The following PRSS16 variants were observed in gnomAD, a reference collection of about 807,000 sequenced individuals.
The protein encoded by PRSS16 is serine protease 16.
PRSS16 carries 43 observed loss-of-function variants against 61.7 expected under a neutral mutation model. That is an observed-to-expected ratio of 0.70 (90% CI 0.55 to 0.90). PRSS16 has a LOEUF of 0.90. PRSS16 is among the 40% of genes least tolerant of loss of function. The pLI is 0.00. For synonymous variants in PRSS16, 273 were observed against 285.2 expected, an observed-to-expected ratio of 0.96 and a Z score of 0.43; for missense variants, 591 against 659.1, an observed-to-expected ratio of 0.90 and a Z score of 1.13.
At chr6:27,250,619 G>C in intron 4 of PRSS16, 64 bp from the exon 5 acceptor site, 1 of 1,513,108 alleles carries the variant, frequency 6.6e-7, no homozygotes, top group East Asian at 2.3e-5. Context: ...GTTTCCCCCA[G>C]AATGGGGAAA....
intron 4 of PRSS16, 39 bp from the exon 5 acceptor site, chr6:27,250,644 C>T: frequency 2.0e-6 from 3 of 1,532,144 alleles, no homozygotes; most frequent in Non-Finnish European, 2.6e-6. Flanking sequence ...CAGGGATTCC[C>T]AGCGATGAGG....
chr6:27,255,446 T>C lies in PRSS16; in HGVS notation c.*131T>C. ...TGGAATTCAGCACCTGTTCCGCACGTAATTGGCATGTGTCTGCAAACATCC... is the reference window on the plus strand; with the variant it reads ...TGGAATTCAGCACCTGTTCCGCACGCAATTGGCATGTGTCTGCAAACATCC... On this transcript the variant is annotated 3_prime_UTR_variant, in exon 12 of 12. Transcript: ENST00000230582. The surrounding 1 kb of genome is among the most constrained non-coding windows in gnomAD (Gnocchi z 4.4). The C allele has an allele frequency of 1.1e-6, 1 of 903,038 alleles. No homozygotes were observed. The highest frequency in any genetic ancestry group is 1.7e-6 in the Non-Finnish European group (1 of 592,772). 55.9% of individuals were successfully genotyped at this position (903,038 alleles called of 1,614,324 possible). A position where few individuals can be genotyped will look rare whatever the true frequency, so the allele number is the denominator to read the frequency against.
intron 3 of PRSS16, 31 bp from the exon 4 acceptor site, chr6:27,249,069 T>TC: frequency 2.0e-6 from 2 of 1,005,922 alleles, no homozygotes; most frequent in Non-Finnish European, 3.0e-6. Context: ...GCATCTCACC[T>TC]CCCCACCCCC....
At chr6:27,248,117 A>G in intron 2 of PRSS16, 69 bp downstream of exon 2, 1 of 1,511,438 alleles carries the variant, frequency 6.6e-7, no homozygotes, top group Non-Finnish European at 8.9e-7. Flanking sequence ...TCTCTTCCTC[A>G]GTCTGCACTT....
intron 2 of PRSS16, 135 bp from the exon 3 acceptor site, chr6:27,248,712 T>G: frequency 1.8e-6 from 1 of 566,822 alleles, no homozygotes; most frequent in Non-Finnish European, 2.9e-6. Flanking sequence ...AGCAAGTAAA[T>G]AAACAAGCTC....
In PRSS16 at chr6:27,251,970, G is replaced by C; in HGVS notation, c.938G>C (p.Gly313Ala). Residue 313 changes from glycine to alanine, a missense_variant, in exon 8 of 12, where the codon GGA becomes GCA. Gly to Ala is a moderately conservative substitution (Grantham distance 60). Coordinates refer to ENST00000230582, the MANE Select transcript of PRSS16 (RefSeq NM_005865.4). The surrounding 1 kb of genome is among the most constrained non-coding windows in gnomAD (Gnocchi z 5.6). ...CCGCTAAGCGTGCGACAGCTCTGCG[G>C]ACTTCTCCTCGGGGGCGGGGGCAAC... ...GAPLSVRQLC[G>A]LLLGGGGNRS... 1 of 1,603,298 alleles carries C rather than the reference G, an allele frequency of 6.2e-7. No homozygotes were observed. The highest frequency in any genetic ancestry group is 8.5e-7 in the Non-Finnish European group (1 of 1,175,708).
intron 2 of PRSS16, 38 bp downstream of exon 2, chr6:27,248,086 C>T: frequency 2.5e-6 from 4 of 1,591,466 alleles, no homozygotes; most frequent in Non-Finnish European, 3.4e-6. Context: ...AACCATCCTG[C>T]CCTCTCCTCA....
Position 27,252,039 on chromosome 6 carries a change from A to T in PRSS16, c.1007A>T (p.Gln336Leu), listed in dbSNP as rs946217700. The change falls in exon 8 of 12, where the codon CAG becomes CTG. Residue 336 changes from glutamine (Q) to leucine (L), a missense_variant and splice_region_variant. Physicochemically the swap from Gln to Leu is moderately radical, Grantham distance 113. Transcript: ENST00000230582. The surrounding 1 kb of genome is among the most constrained non-coding windows in gnomAD (Gnocchi z 4.2). ...TACTGCGGGCTTCGTCGGGCGGTGC[A>T]GGTGAGCACTCCCTGGCACAGCTGG... ...TPYCGLRRAV[Q>L]IVLHSLGQKC... is the part of the protein sequence containing the mutation. 3.3e-6 allele frequency: 5 copies of T among 1,518,374 alleles called. No homozygotes were observed. The highest frequency in any genetic ancestry group is 3.5e-6 in the Non-Finnish European group (4 of 1,137,818). 94.1% of individuals were successfully genotyped at this position (1,518,374 alleles called of 1,614,324 possible).
In PRSS16 at chr6:27,251,894, C is replaced by A. The variant is rs199812226; in HGVS notation, c.862C>A (p.Leu288Met). ...AAACCAGGCGGAGCTGTTGGGGGCG[C>A]TGCAGGCACTGGTGGGAGGTGTAGT... The part of the protein sequence containing the change: ...AENQAELLGA[L>M]QALVGGVVQY... Residue 288 changes from leucine (L) to methionine (M), a missense_variant, in exon 8 of 12, where the codon CTG (leucine) becomes ATG (methionine). Transcript: ENST00000230582. This position sits in a 1 kb window ranked among gnomAD's most constrained non-coding sequence, Gnocchi z 5.6. 715 of 1,613,370 alleles carry A rather than the reference C, an allele frequency of 4.4e-4. 1 individual carries two copies. Among genetic ancestry groups the A allele is most frequent in the Admixed American group, 2.4e-3 (141 of 59,960 alleles).
In PRSS16 at chr6:27,248,850, TACTG is replaced by T. The variant is rs756541406; in HGVS notation, c.242_245del (p.Tyr81TrpfsTer2). The T allele has an allele frequency of 3.1e-6, 5 of 1,603,896 alleles. No homozygotes were observed. Among genetic ancestry groups the T allele is most frequent in the Non-Finnish European group, 3.4e-6 (4 of 1,173,670 alleles). On this transcript the variant is annotated frameshift_variant, in exon 3 of 12. Transcript: ENST00000230582. LOFTEE classifies it high-confidence loss of function. ...TCTTCCCCATCCCACCTCTCAGCGT[TACTG>T]GGTGAATGACCAACATTGGGTTGGC... is the stretch of plus-strand genomic sequence containing the variant.
intron 9 of PRSS16, chr6:27,253,549 T>C (rs1561775010): frequency 4.6e-6 from 2 of 432,864 alleles, no homozygotes; most frequent in Non-Finnish European, 9.2e-6. Flanking sequence ...GACCCCAGGG[T>C]AGTGTTGCCA....
At chr6:27,254,473 T>C in intron 9 of PRSS16, 1 of 519,018 alleles carries the variant, frequency 1.9e-6, no homozygotes. Flanking sequence ...TCATGTTTCC[T>C]CTGGGATCCC....
Position 27,251,576 on chromosome 6 carries a change from G to A in PRSS16, c.718-174G>A. 1.1e-6 allele frequency: 1 copy of A among 875,174 alleles called. No individual in the cohort carries two copies. The highest frequency in any genetic ancestry group is 1.7e-6 in the Non-Finnish European group (1 of 596,780). 54.2% of individuals were successfully genotyped at this position (875,174 alleles called of 1,614,324 possible). A position where few individuals can be genotyped will look rare whatever the true frequency, so the allele number is the denominator to read the frequency against. On this transcript the variant is annotated intron_variant, in intron 7 of 11. Transcript: ENST00000230582. The surrounding 1 kb of genome is among the most constrained non-coding windows in gnomAD (Gnocchi z 5.6). ...GAAGACCCGAGAAGGAGGGCTGCGA[G>A]GCAGGGGATTGGGGGCGGGGGCCTG...
At position 27,247,871 on chromosome 6, in the gene PRSS16, A is replaced by G. The variant is rs373399047; in HGVS notation, c.71-11A>G. On this transcript the variant is annotated splice_polypyrimidine_tract_variant and intron_variant, in intron 1 of 11. Transcript: ENST00000230582. ...GGGCCAGCCTGACTTCCTTCCCTCC[A>G]TGTCCCACAGCCTCCCTTCTTAGGC... 2.5e-6 allele frequency: 4 copies of G among 1,611,718 alleles called. No homozygotes were observed. Among genetic ancestry groups the G allele is most frequent in the Non-Finnish European group, 3.4e-6 (4 of 1,178,926 alleles).
chr6:27,251,130 C>G lies in PRSS16; in HGVS notation c.669+11C>G. On this transcript the variant is annotated intron_variant, in intron 6 of 11. Transcript: ENST00000230582. This position sits in a 1 kb window ranked among gnomAD's most constrained non-coding sequence, Gnocchi z 5.6. Reference sequence around the variant, plus strand: ...TCCGAGTATAATGACGTAAGGATGGCGGGCAGCAGGTGCGGGACGGGGAGG... The same window carrying G: ...TCCGAGTATAATGACGTAAGGATGGGGGGCAGCAGGTGCGGGACGGGGAGG... The G allele has an allele frequency of 6.2e-7, 1 of 1,614,018 alleles. No homozygotes were observed.
rs1264703254 is a variant in PRSS16, at chr6:27,251,219, G to T, written c.672G>T (p.Val224=). Residue 224 remains valine, a splice_region_variant and synonymous_variant, in exon 7 of 12, where the codon GTG becomes GTT. Coordinates refer to ENST00000230582, the MANE Select transcript of PRSS16 (RefSeq NM_005865.4). This position sits in a 1 kb window ranked among gnomAD's most constrained non-coding sequence, Gnocchi z 5.6. Reference sequence around the variant, plus strand: ...CTTCCTCTGCGGTCCGCCCACAGGTGGTATCCCGAAGCCTAATGAGCACCG... The same window carrying T: ...CTTCCTCTGCGGTCCGCCCACAGGTTGTATCCCGAAGCCTAATGAGCACCG... ...AVLDFSEYND[V]VSRSLMSTAI... The T allele has an allele frequency of 3.1e-6, 5 of 1,612,678 alleles. No individual in the cohort carries two copies. The Admixed American group carries it at 8.3e-5, about 27-fold the overall frequency.
In PRSS16 at chr6:27,255,138, G is replaced by GA. The variant is rs1474640314; in HGVS notation, c.1476+13dup. 6.2e-7 allele frequency: 1 copy of GA among 1,613,346 alleles called. No homozygotes were observed. The highest frequency in any genetic ancestry group is 8.5e-7 in the Non-Finnish European group (1 of 1,179,808). ...CCTCCGCCTAGGGCGCCAGGTAAGA[G>GA]AAAAAAGGCTCTGAATCATTTGCAT... On this transcript the variant is annotated splice_region_variant and intron_variant, in intron 11 of 11. Transcript: ENST00000230582. This position sits in a 1 kb window ranked among gnomAD's most constrained non-coding sequence, Gnocchi z 4.4.
intron 9 of PRSS16, chr6:27,253,488 C>A: frequency 2.2e-6 from 1 of 454,108 alleles, no homozygotes; most frequent in Non-Finnish European, 4.4e-6. Context: ...CACAGAGATC[C>A]TTGTAAATAT....
chr6:27,250,522 T>C (rs1020451057), intron 4 of PRSS16, among the ~76,000 whole-genome samples, 161 bp from the exon 5 acceptor site: 3 of 152,208 alleles, frequency 2.0e-5, no homozygotes, highest in Non-Finnish European at 4.4e-5. Context: ...GGGAAGTGTA[T>C]GTGGCTTGGA....
Sources: gnomAD v4.1 joint callset for allele counts (sites outside exome capture counted in the v4.1 genomes callset) on GRCh38, gnomAD v4.1.1 for gene constraint, Gnocchi (gnomAD v3.1) non-coding constraint, MANE v1.5 for transcripts, NCBI Gene and HGNC (gene_info 2026-07-23, HGNC 2026-07-21) for gene names.